The following GATA4 variants were observed in gnomAD, a reference collection of about 807,000 sequenced individuals.
The protein encoded by GATA4 is transcription factor GATA-4.
In GATA4, 7 loss-of-function variants were observed where a neutral mutation model predicts 37.9. That is an observed-to-expected ratio of 0.18 (90% CI 0.11 to 0.35). The LOEUF is 0.35. Among genes scored for constraint, GATA4 ranks in the 10% least tolerant of loss-of-function variants. GATA4 has a pLI of 1.00. For synonymous variants in GATA4, 372 were observed against 292.6 expected, an observed-to-expected ratio of 1.27 and a Z score of -2.77; for missense variants, 647 against 653.0, an observed-to-expected ratio of 0.99 and a Z score of 0.10.
chr8:11,677,259 G>A (rs1041935941), intron 1 of GATA4, among the ~76,000 whole-genome samples: 2 of 152,164 alleles, frequency 1.3e-5, no homozygotes, highest in Non-Finnish European at 2.9e-5. Context: ...AGGCCTTTGC[G>A]GACAGGAAGG....
chr8:11,677,658 T>C (rs1798825890), intron 1 of GATA4, among the ~76,000 whole-genome samples: 1 of 152,208 alleles, frequency 6.6e-6, no homozygotes, highest in African/African-American at 2.4e-5. Flanking sequence ...CTGTTTCCCA[T>C]CGCTTGGCTT....
At chr8:11,742,638 G>C (rs771666054) in intron 2 of GATA4, among the ~76,000 whole-genome samples, 1 of 152,228 alleles carries the variant, frequency 6.6e-6, no homozygotes, top group Non-Finnish European at 1.5e-5. Flanking sequence ...ATCCCCGGCC[G>C]GAGCGCCGCT....
At chr8:11,757,515 C>G (rs1390091083) in intron 6 of GATA4, among the ~76,000 whole-genome samples, 1 of 152,212 alleles carries the variant, frequency 6.6e-6, no homozygotes, top group Non-Finnish European at 1.5e-5. Flanking sequence ...AGCGGAGGTT[C>G]TCTAGGCAAG....
intron 2 of GATA4, among the ~76,000 whole-genome samples, chr8:11,717,206 G>C (rs542251934): frequency 5.6e-4 from 85 of 152,248 alleles, no homozygotes; most frequent in Non-Finnish European, 1.0e-3. Context: ...AAGAAGGCAG[G>C]GAAGAAAATA....
chr8:11,729,496 G>T (rs575739966), intron 2 of GATA4, among the ~76,000 whole-genome samples: 1 of 150,138 alleles, frequency 6.7e-6, no homozygotes, highest in African/African-American at 2.5e-5. Flanking sequence ...TTGAACCCAG[G>T]ACACAGAGGT....
intron 1 of GATA4, chr8:11,681,080 A>C: frequency 1.0e-6 from 1 of 961,430 alleles, no homozygotes; most frequent in Non-Finnish European, 1.2e-6. Context: ...AGGGACATTG[A>C]GGGGCATGGG....
chr8:11,721,899 A>G (rs1174018332), intron 2 of GATA4, among the ~76,000 whole-genome samples: 1 of 152,240 alleles, frequency 6.6e-6, no homozygotes, highest in Non-Finnish European at 1.5e-5. Context: ...CAGGAGGTGT[A>G]GAGGTGAAGA....
At chr8:11,718,706 A>T (rs1247447321) in intron 2 of GATA4, among the ~76,000 whole-genome samples, 2 of 152,188 alleles carry the variant, frequency 1.3e-5, no homozygotes, top group African/African-American at 4.8e-5. Flanking sequence ...ATCAGTCCTT[A>T]AGTTATTTTT....
At chr8:11,734,271 G>T (rs568172817) in intron 2 of GATA4, among the ~76,000 whole-genome samples, 3 of 152,322 alleles carry the variant, frequency 2.0e-5, no homozygotes, top group Admixed American at 6.5e-5. Flanking sequence ...ATATATATCA[G>T]TAAGTGTCTT....
Position 11,749,130 on chromosome 8 carries a change from G to A in GATA4, c.786+45G>A. 6.2e-7 allele frequency: 1 copy of A among 1,602,426 alleles called. No individual in the cohort carries two copies. The highest frequency in any genetic ancestry group is 8.5e-7 in the Non-Finnish European group (1 of 1,172,332). Reference sequence around the variant, plus strand: ...CCTCCTCTGGGCACCTGGCTGCGGAGCTCTCGCCTTGGTGGGACATCCTCT... The same window carrying A: ...CCTCCTCTGGGCACCTGGCTGCGGAACTCTCGCCTTGGTGGGACATCCTCT... On this transcript the variant is annotated intron_variant, in intron 3 of 6. Coordinates refer to ENST00000532059, the MANE Select transcript of GATA4 (RefSeq NM_001308093.3). The surrounding 1 kb of genome is among the most constrained non-coding windows in gnomAD (Gnocchi z 4.6).
intron 2 of GATA4, among the ~76,000 whole-genome samples, chr8:11,719,131 G>C (rs529593574): frequency 1.4e-4 from 21 of 152,082 alleles, no homozygotes; most frequent in African/African-American, 3.9e-4. Flanking sequence ...ATCAGCTTGG[G>C]TTGAAATTGT....
intron 5 of GATA4, chr8:11,756,716 G>A: frequency 3.3e-6 from 2 of 612,874 alleles, no homozygotes; most frequent in Non-Finnish European, 5.8e-6. Flanking sequence ...AAGTTTTGAA[G>A]CCTGAAACAC....
chr8:11,731,996 C>G (rs937043301), intron 2 of GATA4, among the ~76,000 whole-genome samples: 1 of 152,180 alleles, frequency 6.6e-6, no homozygotes, highest in African/African-American at 2.4e-5. Flanking sequence ...GGGCTGATCA[C>G]TAAGGAGAAG....
At chr8:11,712,592 C>T (rs1800239526) in intron 2 of GATA4, among the ~76,000 whole-genome samples, 1 of 151,530 alleles carries the variant, frequency 6.6e-6, no homozygotes, top group Non-Finnish European at 1.5e-5. Context: ...TGCAGTGGCT[C>T]ACACCTGTAA....
intron 2 of GATA4, among the ~76,000 whole-genome samples, chr8:11,742,693 C>G (rs1281051702): frequency 3.3e-5 from 5 of 152,250 alleles, no homozygotes; most frequent in Admixed American, 3.3e-4. Flanking sequence ...TCACAGGCAT[C>G]TGCCGAGCCT....
At position 11,731,355 on chromosome 8, in the gene GATA4, T is replaced by A. The variant is rs143753219; in HGVS notation, c.617-17561T>A. On this transcript the variant is annotated intron_variant, in intron 2 of 6. Coordinates refer to ENST00000532059, the MANE Select transcript of GATA4 (RefSeq NM_001308093.3). ...GCCTAGGTGTCCATCCGTGGATGAA[T>A]GAATGAACAAATGTGGTCTGTGTGC... Among the ~76,000 whole-genome samples, 161 of 152,366 alleles carry A rather than the reference T, an allele frequency of 1.1e-3. 2 individuals carry two copies. The South Asian group carries it at 0.014, about 13-fold the overall frequency.
At chr8:11,745,541 G>A (rs568751124) in intron 2 of GATA4, among the ~76,000 whole-genome samples, 10 of 152,086 alleles carry the variant, frequency 6.6e-5, no homozygotes, top group South Asian at 2.1e-4. Flanking sequence ...AGCCGAGATC[G>A]CAGCACTGTA....
intron 1 of GATA4, chr8:11,683,116 G>A (rs752041969): frequency 9.4e-5 from 93 of 985,280 alleles, no homozygotes; most frequent in Admixed American, 6.2e-4. Context: ...AAAGCTCTTG[G>A]TGTGGTGGCC....
chr8:11,704,517 G>A (rs765418596), intron 1 of GATA4, among the ~76,000 whole-genome samples: 18 of 152,232 alleles, frequency 1.2e-4, no homozygotes, highest in Non-Finnish European at 2.5e-4. Context: ...GGGCAAAACA[G>A]AGAAATATTG....
Sources: gnomAD v4.1 joint callset for allele counts (sites outside exome capture counted in the v4.1 genomes callset) on GRCh38, gnomAD v4.1.1 for gene constraint, Gnocchi (gnomAD v3.1) non-coding constraint, MANE v1.5 for transcripts, NCBI Gene and HGNC (gene_info 2026-07-23, HGNC 2026-07-21) for gene names.